The following HECW1 variants were observed in gnomAD, a reference collection of about 807,000 sequenced individuals.
The protein encoded by HECW1 is E3 ubiquitin-protein ligase HECW1.
A neutral mutation model predicts 182.3 loss-of-function variants in HECW1; 61 were observed. The observed-to-expected ratio is 0.33, with a 90% CI of 0.27 to 0.41. The LOEUF (loss-of-function observed/expected upper bound fraction) is 0.41, where lower values mean the gene tolerates loss of function less well. Among genes scored for constraint, HECW1 ranks in the 10% least tolerant of loss-of-function variants. The pLI, the probability that HECW1 is intolerant of heterozygous loss-of-function variation, is 1.00. For missense variants in HECW1, 1,739 were observed against 2,108.9 expected (o/e 0.82, Z 3.44); for synonymous variants, 859 against 832.6 (o/e 1.03, Z -0.55).
intron 2 of HECW1, among the ~76,000 whole-genome samples, chr7:43,187,227 A>C (rs1036325022): frequency 3.9e-5 from 6 of 152,208 alleles, no homozygotes; most frequent in African/African-American, 1.2e-4. Context: ...ATCACAGAAG[A>C]GAGCAAGTCA....
chr7:43,160,579 C>T (rs920303814), intron 2 of HECW1, among the ~76,000 whole-genome samples: 9 of 152,262 alleles, frequency 5.9e-5, no homozygotes, highest in Admixed American at 3.9e-4. Context: ...TTTTATTCAT[C>T]GCAAAGTCTT....
At chr7:43,483,290 A>G (rs775534854) in intron 17 of HECW1, among the ~76,000 whole-genome samples, 10 of 152,116 alleles carry the variant, frequency 6.6e-5, no homozygotes, top group Non-Finnish European at 8.8e-5. Flanking sequence ...TGATGTGTGG[A>G]ATCATCCCAT....
At chr7:43,352,766 A>T (rs1814629745) in intron 5 of HECW1, among the ~76,000 whole-genome samples, 1 of 152,208 alleles carries the variant, frequency 6.6e-6, no homozygotes, top group Admixed American at 6.5e-5. Flanking sequence ...TCTTGTGAGG[A>T]TCAAATTAGA....
At chr7:43,269,523 G>C (rs1231140320) in intron 3 of HECW1, among the ~76,000 whole-genome samples, 1 of 152,196 alleles carries the variant, frequency 6.6e-6, no homozygotes. Flanking sequence ...CACACTTGAA[G>C]CATATTTGGG....
chr7:43,325,786 C>G (rs929437107), intron 5 of HECW1, among the ~76,000 whole-genome samples: 1 of 152,204 alleles, frequency 6.6e-6, no homozygotes, highest in South Asian at 2.1e-4. Context: ...GTCTTAGGCT[C>G]GGCCTGTCTT....
intron 13 of HECW1, among the ~76,000 whole-genome samples, chr7:43,460,998 A>G (rs529386277): frequency 2.6e-5 from 4 of 152,228 alleles, no homozygotes; most frequent in Non-Finnish European, 5.9e-5. Flanking sequence ...TGCTGTGTTT[A>G]CTGCATATTG....
intron 3 of HECW1, among the ~76,000 whole-genome samples, chr7:43,285,616 C>G (rs1804543767): frequency 6.6e-6 from 1 of 152,056 alleles, no homozygotes; most frequent in South Asian, 2.1e-4. Context: ...TTGAGACCAG[C>G]CTGGGCAACA....
At chr7:43,555,896 C>A (rs2082002146) in intron 29 of HECW1, among the ~76,000 whole-genome samples, 1 of 109,860 alleles carries the variant, frequency 9.1e-6, no homozygotes, top group African/African-American at 4.1e-5. Flanking sequence ...GCAGAATTTG[C>A]ATTTGTTAAG....
At chr7:43,452,280 C>G (rs1466235730) in intron 12 of HECW1, among the ~76,000 whole-genome samples, 1 of 152,170 alleles carries the variant, frequency 6.6e-6, no homozygotes, top group East Asian at 1.9e-4. Flanking sequence ...CAACAAATAA[C>G]CTTTCAATGC....
chr7:43,118,987 C>T (rs919581030), intron 2 of HECW1: 1 of 152,224 alleles, frequency 6.6e-6, no homozygotes, highest in East Asian at 1.9e-4. Flanking sequence ...CTTCTTCACT[C>T]CCTCCATCTC....
chr7:43,438,145 G>A lies in HECW1; in HGVS notation c.944G>A (p.Gly315Glu). The A allele has an allele frequency of 6.2e-7, 1 of 1,612,088 alleles. No homozygotes were observed. The highest frequency in any genetic ancestry group is 8.5e-7 in the Non-Finnish European group (1 of 1,178,634). Residue 315 changes from glycine to glutamate, a missense_variant and splice_region_variant, in exon 9 of 30, where the codon GGG becomes GAG. Transcript: ENST00000395891. Reference sequence around the variant, plus strand: ...AGACTCCTGGAGAGACACGCCATAGGGTAAACCTGTGACTGAGATCTTACT... The same window carrying A: ...AGACTCCTGGAGAGACACGCCATAGAGTAAACCTGTGACTGAGATCTTACT... ...VQRLLERHAI[G>E]DRVVSYTLGR...
In HECW1 at chr7:43,225,302, G is replaced by A. The variant is rs567279730; in HGVS notation, c.-31-18573G>A. On this transcript the variant is annotated intron_variant, in intron 2 of 29. Transcript: ENST00000395891. The stretch of plus-strand genomic sequence containing the variant: ...AGTGTAAAAATAGGTGAACTGCACA[G>A]ATGGTGGGAGAATCAACTCTTCCCT... Among the ~76,000 whole-genome samples the A allele has an allele frequency of 7.9e-5, 12 of 152,282 alleles. No homozygotes were observed. In the South Asian group the frequency reaches 2.3e-3, roughly 29 times the overall value.
intron 3 of HECW1, among the ~76,000 whole-genome samples, chr7:43,293,725 A>T (rs966008163): frequency 2.0e-5 from 3 of 152,120 alleles, no homozygotes; most frequent in African/African-American, 7.2e-5. Flanking sequence ...TTAAATTAGA[A>T]ACTTTAATTT....
At chr7:43,370,959 C>T (rs1355051220) in intron 6 of HECW1, among the ~76,000 whole-genome samples, 2 of 151,134 alleles carry the variant, frequency 1.3e-5, no homozygotes, top group Non-Finnish European at 2.9e-5. Flanking sequence ...GCAATCTCGG[C>T]CCACTGCAAG....
intron 3 of HECW1, among the ~76,000 whole-genome samples, chr7:43,292,689 A>AG (rs1805538495): frequency 6.6e-6 from 1 of 152,188 alleles, no homozygotes; most frequent in African/African-American, 2.4e-5. Flanking sequence ...TCTTCCATTC[A>AG]GCACATGTCA....
chr7:43,306,441 C>CA (rs1433175251), intron 3 of HECW1, among the ~76,000 whole-genome samples: 1 of 151,800 alleles, frequency 6.6e-6, no homozygotes, highest in Non-Finnish European at 1.5e-5. Context: ...TGTAGGATAG[C>CA]AAAAGCTGCA....
chr7:43,504,428 C>T (rs144923622), intron 21 of HECW1, among the ~76,000 whole-genome samples: 8 of 152,318 alleles, frequency 5.3e-5, no homozygotes, highest in East Asian at 1.9e-4. Flanking sequence ...TCCTTTCTAA[C>T]GTCTTTCCCT....
chr7:43,433,836 C>G (rs569652754), intron 8 of HECW1, among the ~76,000 whole-genome samples: 1 of 152,182 alleles, frequency 6.6e-6, no homozygotes, highest in South Asian at 2.1e-4. Context: ...ATTGGTTGGC[C>G]CAAGCATGTG....
chr7:43,539,696 C>G (rs1240479047), intron 24 of HECW1, among the ~76,000 whole-genome samples: 1 of 152,226 alleles, frequency 6.6e-6, no homozygotes, highest in African/African-American at 2.4e-5. Flanking sequence ...CACCTCTGTG[C>G]TGACCTTTAG....
Sources: allele counts gnomAD v4.1 joint callset (sites outside exome capture counted in the v4.1 genomes callset), GRCh38; gene constraint gnomAD v4.1.1; transcripts MANE v1.5; gene names NCBI Gene and HGNC (gene_info 2026-07-23, HGNC 2026-07-21).